Variants in ITGA8 observed in about 807,000 individuals in gnomAD.
The protein encoded by ITGA8 is integrin alpha-8.
In ITGA8, 91 loss-of-function variants were observed where a neutral mutation model predicts 142.3. The observed-to-expected ratio is 0.64, with a 90% CI of 0.54 to 0.76. ITGA8 has a LOEUF of 0.76. Among genes scored for constraint, ITGA8 ranks in the 30% least tolerant of loss-of-function variants. The probability of loss-of-function intolerance (pLI) is 0.00; values close to 1 mark genes in which losing one functional copy is unlikely to be tolerated. For synonymous variants in ITGA8, 505 were observed against 485.2 expected, an observed-to-expected ratio of 1.04 and a Z score of -0.54; for missense variants, 1,406 against 1,327.7, an observed-to-expected ratio of 1.06 and a Z score of -0.92.
chr10:15,636,756 G>A (rs1160325074), intron 13 of ITGA8, among the ~76,000 whole-genome samples: 2 of 152,006 alleles, frequency 1.3e-5, no homozygotes, highest in Non-Finnish European at 2.9e-5. Context: ...CATACTTCAG[G>A]CCAAATTTAA....
In ITGA8 at chr10:15,691,601, C is replaced by A. The variant is rs1564410988; in HGVS notation, c.344-3563G>T. Among the ~76,000 whole-genome samples, 4 of 152,234 alleles carry A rather than the reference C, an allele frequency of 2.6e-5. No individual in the cohort carries two copies. The East Asian group carries it at 7.7e-4, about 29-fold the overall frequency. The stretch of plus-strand genomic sequence containing the variant: ...TTTTGTGCCTGAAACAAGCCAGACA[C>A]AAAACCACCGATATTGCATGATCTC... On this transcript the variant is annotated intron_variant, in intron 2 of 29. Coordinates refer to ENST00000378076, the MANE Select transcript of ITGA8 (RefSeq NM_003638.3).
At chr10:15,548,364 T>G in intron 27 of ITGA8, 91 bp downstream of exon 27, 1 of 883,248 alleles carries the variant, frequency 1.1e-6, no homozygotes, top group South Asian at 1.5e-5. Flanking sequence ...CAGTGTTAAA[T>G]TAGAAATCGC....
intron 13 of ITGA8, among the ~76,000 whole-genome samples, chr10:15,625,879 C>T (rs952371662): frequency 6.6e-6 from 1 of 152,192 alleles, no homozygotes; most frequent in African/African-American, 2.4e-5. Flanking sequence ...TAGCAAAGAG[C>T]AGCCTATAAA....
chr10:15,598,148 A>T (rs1050564980), intron 20 of ITGA8, among the ~76,000 whole-genome samples: 2 of 151,894 alleles, frequency 1.3e-5, no homozygotes, highest in African/African-American at 2.4e-5. Context: ...CCATTATTTC[A>T]GTCTAACTTG....
At position 15,592,304 on chromosome 10, in the gene ITGA8, A is replaced by G; in HGVS notation, c.2212T>C (p.Tyr738His). 1 of 1,608,220 alleles carries G rather than the reference A, an allele frequency of 6.2e-7. No homozygotes were observed. Among genetic ancestry groups the G allele is most frequent in the Non-Finnish European group, 8.5e-7 (1 of 1,175,254 alleles). The change falls in exon 22 of 30, where the codon TAT becomes CAT. Residue 738 changes from tyrosine (Y) to histidine (H), a missense_variant and splice_region_variant. Physicochemically the swap from Tyr to His is moderately conservative, Grantham distance 83. Coordinates refer to ENST00000378076, the MANE Select transcript of ITGA8 (RefSeq NM_003638.3). ...LGNPMVSGTN[Y>H]SLGLRFAVPR... ...ACTGCAAATCGGAGGCCCAGGGAATACTAAAAAATAAAATAAAATCACACA... is the reference window on the plus strand; with the variant it reads ...ACTGCAAATCGGAGGCCCAGGGAATGCTAAAAAATAAAATAAAATCACACA...
intron 15 of ITGA8, among the ~76,000 whole-genome samples, chr10:15,609,256 C>A (rs1010547156): frequency 6.6e-6 from 1 of 152,100 alleles, no homozygotes; most frequent in Admixed American, 6.5e-5. Flanking sequence ...GAGATGGGGC[C>A]TTTTCACATT....
At chr10:15,520,565 G>T (rs769112121) in intron 28 of ITGA8, among the ~76,000 whole-genome samples, 1 of 152,174 alleles carries the variant, frequency 6.6e-6, no homozygotes, top group African/African-American at 2.4e-5. Context: ...TCCCTATGTG[G>T]GCAGAAGCAC....
chr10:15,674,973 A>G (rs1834599624), intron 6 of ITGA8, among the ~76,000 whole-genome samples: 2 of 152,020 alleles, frequency 1.3e-5, no homozygotes, highest in African/African-American at 4.8e-5. Flanking sequence ...TCTCTCCTGG[A>G]TCTTTCTCAA....
chr10:15,528,899 G>A (rs936200060), intron 28 of ITGA8, among the ~76,000 whole-genome samples: 10 of 152,080 alleles, frequency 6.6e-5, no homozygotes, highest in African/African-American at 1.9e-4. Flanking sequence ...AAATACCACC[G>A]AAGTTTACTG....
At chr10:15,613,896 G>T in intron 14 of ITGA8, 129 bp from the exon 15 acceptor site, 1 of 634,566 alleles carries the variant, frequency 1.6e-6, no homozygotes, top group Non-Finnish European at 2.8e-6. Context: ...AACGTTCTCA[G>T]CATTTGTGCC....
chr10:15,669,920 G>A (rs569150136), intron 8 of ITGA8, among the ~76,000 whole-genome samples: 4 of 152,248 alleles, frequency 2.6e-5, no homozygotes, highest in East Asian at 3.9e-4. Flanking sequence ...TCAGTCCGCC[G>A]CTACTGGGGG....
rs1283820476 is a variant in ITGA8, at chr10:15,664,324, C to G, written c.848-3402G>C. On this transcript the variant is annotated intron_variant, in intron 8 of 29. Transcript: ENST00000378076. Reference sequence around the variant, plus strand: ...CCTTGAAGAAGACATAATGAGAGGACAAGTCCTTTATGAATTAGTTTGTAC... The same window carrying G: ...CCTTGAAGAAGACATAATGAGAGGAGAAGTCCTTTATGAATTAGTTTGTAC... 2.0e-5 allele frequency among the ~76,000 whole-genome samples: 3 copies of G among 152,190 alleles called. No homozygotes were observed. The East Asian group carries it at 5.8e-4, about 29-fold the overall frequency.
At chr10:15,674,848 G>A (rs1001531479) in intron 6 of ITGA8, among the ~76,000 whole-genome samples, 3 of 151,632 alleles carry the variant, frequency 2.0e-5, no homozygotes, top group Admixed American at 6.6e-5. Flanking sequence ...GCAGAGGCAG[G>A]AGAATCACTT....
At chr10:15,704,858 A>G (rs2131730764) in intron 2 of ITGA8, among the ~76,000 whole-genome samples, 1 of 152,362 alleles carries the variant, frequency 6.6e-6, no homozygotes, top group Admixed American at 6.5e-5. Context: ...TTTGCCTCCC[A>G]ATAACACTTG....
intron 2 of ITGA8, among the ~76,000 whole-genome samples, chr10:15,689,537 A>G (rs1391629018): frequency 6.6e-6 from 1 of 152,146 alleles, no homozygotes; most frequent in Non-Finnish European, 1.5e-5. Context: ...TGCAGTCCTC[A>G]CAAGCCCTGA....
chr10:15,676,341 C>G (rs1352799763), intron 6 of ITGA8, among the ~76,000 whole-genome samples: 2 of 152,208 alleles, frequency 1.3e-5, no homozygotes, highest in Non-Finnish European at 2.9e-5. Context: ...CAGATGCTGT[C>G]TGTACCTGGG....
intron 2 of ITGA8, among the ~76,000 whole-genome samples, chr10:15,694,329 A>ATATCATATATCAGATAATG: frequency 1.5e-5 from 2 of 129,722 alleles, no homozygotes; most frequent in African/African-American, 6.1e-5. Flanking sequence ...ATATGATAAT[A>ATATCATATATCAGATAATG]TATCATATAT....
chr10:15,558,162 A>G lies in ITGA8; in HGVS notation c.2678T>C (p.Phe893Ser). The change falls in exon 26 of 30, where the codon TTT becomes TCT. Residue 893 changes from phenylalanine to serine, a missense_variant. Phe to Ser is a radical substitution (Grantham distance 155, BLOSUM62 -2). Transcript: ENST00000378076. ...SPEDTPELSA[F>S]LRNSTIPHLV... ...ATGAGGAATAGTAGAGTTTCGCAAA[A>G]AGGCGCTGAGCTCAGGGGTGTCCTC... The G allele has an allele frequency of 6.2e-7, 1 of 1,614,216 alleles. No individual in the cohort carries two copies.
chr10:15,535,185 G>A (rs1035975009), intron 27 of ITGA8, among the ~76,000 whole-genome samples: 1 of 152,106 alleles, frequency 6.6e-6, no homozygotes, highest in East Asian at 1.9e-4. Flanking sequence ...GGCAGGGCTC[G>A]GGACCTGCAG....
Sources: gnomAD v4.1 joint callset for allele counts (sites outside exome capture counted in the v4.1 genomes callset) on GRCh38, gnomAD v4.1.1 for gene constraint, MANE v1.5 for transcripts, NCBI Gene and HGNC (gene_info 2026-07-23, HGNC 2026-07-21) for gene names.